SPAG17: variants seen among roughly 807,000 people sequenced by gnomAD.
SPAG17 encodes sperm associated antigen 17, also known as sperm-associated antigen 17.
In SPAG17, 169 loss-of-function variants were observed where a neutral mutation model predicts 273.6. The ratio of observed to expected loss-of-function variants is 0.62; its 90% CI spans 0.55 to 0.70. SPAG17 has a LOEUF of 0.70. SPAG17 is among the 30% of genes least tolerant of loss of function. SPAG17 has a pLI of 0.00. For synonymous variants in SPAG17, 825 were observed against 873.2 expected (o/e 0.94, Z 0.97); for missense variants, 2,557 against 2,627.8 (o/e 0.97, Z 0.59).
intron 7 of SPAG17, 33 bp from the exon 8 acceptor site, chr1:118,093,350 C>G: frequency 6.4e-7 from 1 of 1,574,060 alleles, no homozygotes; most frequent in Non-Finnish European, 8.6e-7. Context: ...CAATTGGTTA[C>G]TAGTTTTACA....
At chr1:118,153,906 A>T (rs1002692980) in intron 1 of SPAG17, among the ~76,000 whole-genome samples, 2 of 152,220 alleles carry the variant, frequency 1.3e-5, no homozygotes, top group Non-Finnish European at 1.5e-5. Flanking sequence ...TTAAAACATC[A>T]TATAATTACT....
chr1:118,078,013 T>C (rs1654245318), intron 15 of SPAG17, among the ~76,000 whole-genome samples: 2 of 152,194 alleles, frequency 1.3e-5, no homozygotes, highest in African/African-American at 2.4e-5. Context: ...AATTGGGATA[T>C]TGGGATAATA....
intron 3 of SPAG17, among the ~76,000 whole-genome samples, chr1:118,148,216 T>C (rs952442580): frequency 2.0e-5 from 3 of 152,210 alleles, no homozygotes; most frequent in African/African-American, 7.2e-5. Context: ...AGTGTCCTAG[T>C]GTGTCTGGAG....
In SPAG17 at chr1:118,150,547, T is replaced by G; in HGVS notation, c.311A>C (p.Tyr104Ser). 1.3e-6 allele frequency: 2 copies of G among 1,536,612 alleles called. No individual in the cohort carries two copies. The highest frequency in any genetic ancestry group is 1.8e-6 in the Non-Finnish European group (2 of 1,123,510). The change falls in exon 3 of 49, where the codon TAT becomes TCT. Residue 104 changes from tyrosine (Y) to serine (S), a missense_variant. Coordinates refer to ENST00000336338, the MANE Select transcript of SPAG17 (RefSeq NM_206996.4). ...KPVGGNAPLY[Y>S]EVLTAAKAIM... is the part of the protein sequence containing the mutation. ...TCTATAAACACTTTCACTTACCTCA[T>G]AATATAAAGGAGCATTACCACCTAC...
In SPAG17 at chr1:118,150,628, A is replaced by C; in HGVS notation, c.230T>G (p.Ile77Ser). 1 of 1,486,364 alleles carries C rather than the reference A, an allele frequency of 6.7e-7. No individual in the cohort carries two copies. Among genetic ancestry groups the C allele is most frequent in the Non-Finnish European group, 9.2e-7 (1 of 1,081,116 alleles). 92.1% of individuals were successfully genotyped at this position (1,486,364 alleles called of 1,614,324 possible). The change falls in exon 3 of 49, where the codon ATT becomes AGT. Residue 77 changes from isoleucine (I) to serine (S), a missense_variant and splice_region_variant. Physicochemically the swap from Ile to Ser is moderately radical, Grantham distance 142 (BLOSUM62 -2). Coordinates refer to ENST00000336338, the MANE Select transcript of SPAG17 (RefSeq NM_206996.4). Reference protein sequence around the residue: ...MVSWQDILQQINEINTLVGSA... With the variant: ...MVSWQDILQQSNEINTLVGSA... The stretch of plus-strand genomic sequence containing the variant: ...TCCAACAAGTGTATTTATTTCATTA[A>C]TCTGTAAGAAAATTAAATTTACTTA...
At chr1:118,058,667 A>G (rs1651961404) in intron 18 of SPAG17, among the ~76,000 whole-genome samples, 2 of 152,210 alleles carry the variant, frequency 1.3e-5, no homozygotes, top group South Asian at 4.1e-4. Context: ...ATTTCTTGCT[A>G]CAGGAGAAAA....
intron 25 of SPAG17, 96 bp from the exon 26 acceptor site, chr1:118,028,490 A>G: frequency 6.6e-7 from 1 of 1,504,580 alleles, no homozygotes; most frequent in Non-Finnish European, 9.0e-7. Flanking sequence ...TGCTCAGGAC[A>G]TGACTTGCAC....
At chr1:118,008,517 C>T (rs184512525) in intron 30 of SPAG17, among the ~76,000 whole-genome samples, 81 of 152,154 alleles carry the variant, frequency 5.3e-4, no homozygotes, top group Non-Finnish European at 7.8e-4. Flanking sequence ...AATTTAAGCA[C>T]TCAGATATTC....
chr1:117,963,760 A>G (rs775660708), intron 48 of SPAG17, 39 bp downstream of exon 48: 11 of 1,576,814 alleles, frequency 7.0e-6, no homozygotes, highest in Admixed American at 1.8e-5. Context: ...TCAAATTTGA[A>G]TGCTTGACAA....
chr1:117,996,644 G>A lies in SPAG17; in HGVS notation c.4876C>T (p.His1626Tyr). The change falls in exon 33 of 49, where the codon CAC becomes TAC. Residue 1626 changes from histidine to tyrosine, a missense_variant. Physicochemically the swap from His to Tyr is moderately conservative, Grantham distance 83 (BLOSUM62 2). Coordinates refer to ENST00000336338, the MANE Select transcript of SPAG17 (RefSeq NM_206996.4). Reference protein sequence around the residue: ...TEGYDSLSSMHLEKNHQQIYG... With the variant: ...TEGYDSLSSMYLEKNHQQIYG... ...ATTTGCTGATGATTCTTTTCAAGGT[G>A]CATAGAGGACAGACTATCATAGCCC... The A allele has an allele frequency of 6.2e-7, 1 of 1,612,730 alleles. No homozygotes were observed. Among genetic ancestry groups the A allele is most frequent in the East Asian group, 2.2e-5 (1 of 44,780 alleles).
intron 1 of SPAG17, among the ~76,000 whole-genome samples, chr1:118,157,502 C>T (rs902731498): frequency 2.0e-5 from 3 of 152,174 alleles, no homozygotes; most frequent in Non-Finnish European, 4.4e-5. Context: ...CCAGGGCTCT[C>T]CTTTCCTCCT....
chr1:118,109,148 CTT>C (rs967820986), intron 4 of SPAG17, among the ~76,000 whole-genome samples: 1 of 144,438 alleles, frequency 6.9e-6, no homozygotes, highest in African/African-American at 2.5e-5. Context: ...TCATCTTATT[CTT>C]TTTTTTTTTT....
At chr1:118,160,385 C>A (rs1180759807) in intron 1 of SPAG17, among the ~76,000 whole-genome samples, 3 of 152,206 alleles carry the variant, frequency 2.0e-5, no homozygotes, top group Non-Finnish European at 2.9e-5. Context: ...GTCATTTATA[C>A]ATTAAGCTTT....
At chr1:118,080,411 A>G (rs1461359353) in intron 15 of SPAG17, among the ~76,000 whole-genome samples, 1 of 152,330 alleles carries the variant, frequency 6.6e-6, no homozygotes, top group South Asian at 2.1e-4. Context: ...CTGTTGGGCT[A>G]GAACACAGAG....
chr1:117,986,206 G>C (rs563432321), intron 40 of SPAG17, among the ~76,000 whole-genome samples: 1 of 152,302 alleles, frequency 6.6e-6, no homozygotes, highest in African/African-American at 2.4e-5. Flanking sequence ...CCCATTAAAA[G>C]TTTCTTATCT....
Position 117,959,555 on chromosome 1 carries a change from C to T in SPAG17, c.*4244G>A, listed in dbSNP as rs1225210359. 1.0e-5 allele frequency: 12 copies of T among 1,198,080 alleles called. No individual in the cohort carries two copies. In the South Asian group the frequency reaches 1.9e-4, roughly 19 times the overall value. 74.2% of individuals were successfully genotyped at this position (1,198,080 alleles called of 1,614,324 possible). On this transcript the variant is annotated intron_variant, in intron 48 of 48. Coordinates refer to ENST00000336338, the MANE Select transcript of SPAG17 (RefSeq NM_206996.4). ...TTAAAAATACCAAATAACAGAAGAT[C>T]GCATTGCAGATGATATCAGGATGTG...
chr1:118,127,151 G>T (rs893175427), intron 3 of SPAG17, among the ~76,000 whole-genome samples: 1 of 152,060 alleles, frequency 6.6e-6, no homozygotes, highest in African/African-American at 2.4e-5. Flanking sequence ...GCTTAGTATC[G>T]CTTTAGAGAA....
rs757042347 is a variant in SPAG17 at position 117,973,483 on chromosome 1, T to C, written c.6083A>G (p.Lys2028Arg). The change falls in exon 44 of 49, where the codon AAA becomes AGA. Residue 2028 changes from lysine (K) to arginine (R), a missense_variant. Lys to Arg is a conservative substitution (Grantham distance 26). Coordinates refer to ENST00000336338, the MANE Select transcript of SPAG17 (RefSeq NM_206996.4). ...CAGCAAATAATGAGGCAACTTCACT[T>C]TTTCTTTTCTTGTTTGTCCCGCAAC... The part of the protein sequence containing the change: ...QDVAGQTRKE[K>R]VKLPHYLLSS... 3 of 1,614,064 alleles carry C rather than the reference T, an allele frequency of 1.9e-6. No individual in the cohort carries two copies. The highest frequency in any genetic ancestry group is 2.5e-6 in the Non-Finnish European group (3 of 1,179,950).
intron 3 of SPAG17, among the ~76,000 whole-genome samples, chr1:118,121,072 A>G (rs537415970): frequency 1.3e-5 from 2 of 152,154 alleles, no homozygotes; most frequent in African/African-American, 2.4e-5. Flanking sequence ...CTTATAGGCC[A>G]GGGGTGAGAG....
Sources: allele counts gnomAD v4.1 joint callset (sites outside exome capture counted in the v4.1 genomes callset), GRCh38; gene constraint gnomAD v4.1.1; transcripts MANE v1.5; gene names NCBI Gene and HGNC (gene_info 2026-07-23, HGNC 2026-07-21).